PPFIA1: variants seen among roughly 807,000 people sequenced by gnomAD.
The protein encoded by PPFIA1 is PPFI scaffold protein A1.
PPFIA1 carries 25 observed loss-of-function variants against 149.9 expected under a neutral mutation model. The observed-to-expected ratio is 0.17, with a 90% CI of 0.12 to 0.23. The LOEUF is 0.23. Among genes scored for constraint, PPFIA1 ranks in the 10% least tolerant of loss-of-function variants. The pLI, the probability that PPFIA1 is intolerant of heterozygous loss-of-function variation, is 1.00. For synonymous variants in PPFIA1, 549 were observed against 552.8 expected (o/e 0.99, Z 0.10); for missense variants, 1,362 against 1,506.5 (o/e 0.90, Z 1.59).
chr11:70,361,817 A>C (rs1371935995), intron 19 of PPFIA1, among the ~76,000 whole-genome samples: 1 of 146,982 alleles, frequency 6.8e-6, no homozygotes, highest in East Asian at 2.0e-4. Context: ...GTAGAGATGC[A>C]TCTCATTATA....
At chr11:70,319,954 C>T (rs2053841159) in intron 2 of PPFIA1, 1 of 152,318 alleles carries the variant, frequency 6.6e-6, no homozygotes. Context: ...ATGGCTTCAA[C>T]TCAGCTCCCG....
intron 2 of PPFIA1, among the ~76,000 whole-genome samples, chr11:70,277,060 A>ATATATATATATAT: frequency 1.5e-5 from 1 of 66,326 alleles, no homozygotes; most frequent in African/African-American, 1.2e-4. Context: ...ATATATATAT[A>ATATATATATATAT]TTTTTTTTTT....
chr11:70,278,795 G>C (rs1049377027), intron 2 of PPFIA1: 3 of 349,142 alleles, frequency 8.6e-6, no homozygotes, highest in Non-Finnish European at 1.7e-5. Flanking sequence ...TGCTCAAGTA[G>C]AATTACAGAA....
intron 11 of PPFIA1, among the ~76,000 whole-genome samples, chr11:70,336,204 A>G (rs1565412343): frequency 2.0e-5 from 3 of 152,108 alleles, no homozygotes; most frequent in Admixed American, 6.6e-5. Flanking sequence ...TTATTCATGC[A>G]TTGGAAGTTA....
At chr11:70,341,730 T>A (rs1030758896) in intron 14 of PPFIA1, 2 of 154,304 alleles carry the variant, frequency 1.3e-5, no homozygotes, top group Non-Finnish European at 2.9e-5. Flanking sequence ...AGCTCTGGGG[T>A]GCTCCAAGGC....
At chr11:70,352,774 C>T (rs1203159330) in intron 16 of PPFIA1, among the ~76,000 whole-genome samples, 6 of 42,088 alleles carry the variant, frequency 1.4e-4, no homozygotes, top group Non-Finnish European at 2.1e-4. Flanking sequence ...GTGGAGGTGT[C>T]GGAGGGCGGC....
chr11:70,360,708 T>C (rs1414151107), intron 19 of PPFIA1, among the ~76,000 whole-genome samples: 1 of 152,270 alleles, frequency 6.6e-6, no homozygotes, highest in Non-Finnish European at 1.5e-5. Flanking sequence ...CATCTTGCGA[T>C]ACCACTTCAT....
intron 2 of PPFIA1, among the ~76,000 whole-genome samples, chr11:70,308,424 A>AT (rs972554402): frequency 8.5e-5 from 13 of 152,334 alleles, no homozygotes; most frequent in African/African-American, 7.2e-5. Flanking sequence ...TGATTCATTG[A>AT]TTTTTTGGCA....
chr11:70,355,488 G>A (rs892635699), intron 17 of PPFIA1, 151 bp from the exon 18 acceptor site: 5 of 705,432 alleles, frequency 7.1e-6, no homozygotes, highest in East Asian at 2.9e-5. Context: ...CGCTGGCCTC[G>A]CCGGGAGTCT....
chr11:70,371,133 T>G (rs986915708), intron 21 of PPFIA1, among the ~76,000 whole-genome samples: 1 of 152,156 alleles, frequency 6.6e-6, no homozygotes, highest in Non-Finnish European at 1.5e-5. Flanking sequence ...AATTTCCCCT[T>G]GTAATTTCTT....
intron 14 of PPFIA1, among the ~76,000 whole-genome samples, chr11:70,343,049 G>A (rs1383271143): frequency 7.1e-6 from 1 of 140,360 alleles, no homozygotes; most frequent in Non-Finnish European, 1.5e-5. Context: ...CCAGGTTCAA[G>A]CAATTCTCCT....
At chr11:70,292,424 G>A (rs778086284) in intron 2 of PPFIA1, among the ~76,000 whole-genome samples, 10 of 152,242 alleles carry the variant, frequency 6.6e-5, no homozygotes, top group Non-Finnish European at 1.5e-4. Flanking sequence ...TTTGTGTGGA[G>A]CATGGGCTTG....
At chr11:70,299,768 C>T (rs547292189) in intron 2 of PPFIA1, among the ~76,000 whole-genome samples, 2 of 152,256 alleles carry the variant, frequency 1.3e-5, no homozygotes, top group South Asian at 4.1e-4. Context: ...TTTCCTGATC[C>T]CCCTGATACA....
At chr11:70,332,228 C>T in intron 9 of PPFIA1, 134 bp downstream of exon 9, 1 of 1,103,174 alleles carries the variant, frequency 9.1e-7, no homozygotes, top group Admixed American at 3.0e-5. Context: ...TTTGAGTGCT[C>T]TTTCATCTGA....
At position 70,326,769 on chromosome 11, in the gene PPFIA1, T is replaced by C. The variant is rs371601197; in HGVS notation, c.881T>C (p.Leu294Pro). 1.9e-6 allele frequency: 3 copies of C among 1,614,048 alleles called. No homozygotes were observed. Among genetic ancestry groups the C allele is most frequent in the Non-Finnish European group, 2.5e-6 (3 of 1,180,026 alleles). ...EEDLDTARKDLIKSEEMNTKL... is the reference protein window; with the variant it reads ...EEDLDTARKDPIKSEEMNTKL... The stretch of plus-strand genomic sequence containing the variant: ...GATCTGGACACGGCTAGAAAAGATC[T>C]CATCAAATCTGAAGAAATGAACACA... Residue 294 changes from leucine to proline, a missense_variant, in exon 7 of 28, where the codon CTC becomes CCC. Leu to Pro is a moderately conservative substitution (Grantham distance 98). Around this residue, in one of 7 missense-constraint regions of PPFIA1, gnomAD observed 733 missense variants for 744.1 expected, o/e 0.99. Transcript: ENST00000253925.
At chr11:70,288,136 A>G (rs1177659282) in intron 2 of PPFIA1, among the ~76,000 whole-genome samples, 1 of 147,242 alleles carries the variant, frequency 6.8e-6, no homozygotes, top group African/African-American at 2.5e-5. Context: ...GTGCAGTGGC[A>G]CAATCTGGCT....
At chr11:70,337,280 T>C in intron 11 of PPFIA1, 85 bp from the exon 12 acceptor site, 3 of 361,132 alleles carry the variant, frequency 8.3e-6, no homozygotes, top group Non-Finnish European at 4.3e-6. Flanking sequence ...TGTGTGGTCC[T>C]TTTTTTTTTT....
intron 16 of PPFIA1, among the ~76,000 whole-genome samples, chr11:70,352,823 A>G (rs1294960405): frequency 7.4e-6 from 1 of 134,494 alleles, no homozygotes; most frequent in African/African-American, 3.0e-5. Flanking sequence ...GAGGTGTCGG[A>G]GGGCGGCGTG....
chr11:70,322,186 G>A (rs1401223664), intron 2 of PPFIA1, among the ~76,000 whole-genome samples: 1 of 152,162 alleles, frequency 6.6e-6, no homozygotes, highest in Non-Finnish European at 1.5e-5. Flanking sequence ...GCCTAATAAT[G>A]GCTTTTTAAC....
Sources: allele counts gnomAD v4.1 joint callset (sites outside exome capture counted in the v4.1 genomes callset), GRCh38; gene constraint gnomAD v4.1.1; regional missense constraint gnomAD v4.1.1; transcripts MANE v1.5; gene names NCBI Gene and HGNC (gene_info 2026-07-23, HGNC 2026-07-21).